Variants in ANGPT4 observed in about 807,000 individuals in gnomAD.
ANGPT4 encodes angiopoietin 4.
Under a neutral mutation model 53.0 loss-of-function variants are expected in ANGPT4, and 50 were observed. The observed-to-expected ratio is 0.94, with a 90% CI of 0.75 to 1.20. The LOEUF (loss-of-function observed/expected upper bound fraction) is 1.20. ANGPT4 is among the 50% of genes most tolerant of loss of function. The pLI, the probability that ANGPT4 is intolerant of heterozygous loss-of-function variation, is 0.00. For synonymous variants in ANGPT4, 251 were observed against 259.7 expected, an observed-to-expected ratio of 0.97 and a Z score of 0.32; for missense variants, 648 against 637.1, an observed-to-expected ratio of 1.02 and a Z score of -0.18.
chr20:889,654 T>G (rs1432723960), intron 2 of ANGPT4, among the ~76,000 whole-genome samples: 1 of 152,184 alleles, frequency 6.6e-6, no homozygotes, highest in Non-Finnish European at 1.5e-5. Flanking sequence ...AGTAGGAATG[T>G]ATGCCTGCTT....
intron 3 of ANGPT4, among the ~76,000 whole-genome samples, chr20:887,885 A>AGGAGGAAGGAAGGAAGGAAG: frequency 7.0e-6 from 1 of 142,608 alleles, no homozygotes; most frequent in Middle Eastern, 3.5e-3. Context: ...AAATAAAAGA[A>AGGAGGAAGGAAGGAAGGAAG]GGAGGAAGGA....
At chr20:876,072 G>GGAGGTCAGGGCTGCAGTGAGCT in intron 7 of ANGPT4, among the ~76,000 whole-genome samples, 1 of 151,490 alleles carries the variant, frequency 6.6e-6, no homozygotes, top group Non-Finnish European at 1.5e-5. Flanking sequence ...GGGAGGTCTG[G>GGAGGTCAGGGCTGCAGTGAGCT]GAGGTCAGGG....
At chr20:896,009 G>A (rs1488294761) in intron 1 of ANGPT4, among the ~76,000 whole-genome samples, 1 of 152,126 alleles carries the variant, frequency 6.6e-6, no homozygotes, top group South Asian at 2.1e-4. Flanking sequence ...CAAAACTCAT[G>A]GAACTATATG....
At chr20:899,789 C>G (rs1982217082) in intron 1 of ANGPT4, among the ~76,000 whole-genome samples, 1 of 152,186 alleles carries the variant, frequency 6.6e-6, no homozygotes, top group South Asian at 2.1e-4. Flanking sequence ...GCTTTCTTTA[C>G]TATTCCTTTG....
chr20:872,906 G>A lies in ANGPT4; in HGVS notation c.*54C>T. The A allele has an allele frequency of 6.2e-7, 1 of 1,604,254 alleles. No homozygotes were observed. Among genetic ancestry groups the A allele is most frequent in the South Asian group, 1.1e-5 (1 of 90,430 alleles). On this transcript the variant is annotated 3_prime_UTR_variant, in exon 9 of 9. Transcript: ENST00000381922. ...TTGCATCTGGGTCCAGGTTGTCCAG[G>A]AGTGCCAAGTCCGAGCTTCTCCTGT...
chr20:909,300 G>A (rs1048480403), intron 1 of ANGPT4, among the ~76,000 whole-genome samples: 2 of 152,152 alleles, frequency 1.3e-5, no homozygotes, highest in Non-Finnish European at 2.9e-5. Context: ...GGAAACAATA[G>A]TAGCATCTCC....
rs1980877215 is a variant in ANGPT4, at chr20:869,929, A to C, written c.*3031T>G. Reference sequence around the variant, plus strand: ...TGCAGAAAATCATTCCTTTACTGGAATCATGGAGACGAGGGAGCTCCCCGG... The same window carrying C: ...TGCAGAAAATCATTCCTTTACTGGACTCATGGAGACGAGGGAGCTCCCCGG... On this transcript the variant is annotated 3_prime_UTR_variant, in exon 9 of 9. Coordinates refer to ENST00000381922, the MANE Select transcript of ANGPT4 (RefSeq NM_015985.4). 1 of 152,310 alleles carries C rather than the reference A, an allele frequency of 6.6e-6. No homozygotes were observed. The highest frequency in any genetic ancestry group is 2.4e-5 in the African/African-American group (1 of 41,460). The allele number at this position is 152,310 out of a possible 1,614,324, so 9.4% of individuals were successfully genotyped here. A position where few individuals can be genotyped will look rare whatever the true frequency, so the allele number is the denominator to read the frequency against.
intron 1 of ANGPT4, among the ~76,000 whole-genome samples, chr20:915,039 G>T (rs765521257): frequency 9.2e-5 from 14 of 152,114 alleles, no homozygotes; most frequent in Non-Finnish European, 1.5e-4. Flanking sequence ...TCCTAGCCCC[G>T]TTCTGCTCCA....
intron 7 of ANGPT4, among the ~76,000 whole-genome samples, chr20:876,754 C>G (rs1418038450): frequency 2.0e-5 from 3 of 150,650 alleles, no homozygotes; most frequent in Non-Finnish European, 4.4e-5. Context: ...ACTCACTGGT[C>G]AGGTGTGAGG....
At chr20:884,247 T>C (rs556698164) in intron 4 of ANGPT4, among the ~76,000 whole-genome samples, 1 of 152,354 alleles carries the variant, frequency 6.6e-6, no homozygotes. Context: ...TCTATTTTTA[T>C]GGTCTGGAAA....
intron 1 of ANGPT4, 86 bp downstream of exon 1, chr20:915,820 G>T (rs1016379690): frequency 5.9e-5 from 85 of 1,451,530 alleles, no homozygotes; most frequent in Non-Finnish European, 2.9e-5. Flanking sequence ...GCTCAGGGAA[G>T]GCCTCTTGGA....
chr20:872,732 C>T lies in ANGPT4; in HGVS notation c.*228G>A, dbSNP rs531917258. The T allele has an allele frequency of 6.5e-5, 36 of 556,004 alleles. No homozygotes were observed. The highest frequency in any genetic ancestry group is 2.8e-4 in the South Asian group (13 of 46,816). 34.4% of individuals were successfully genotyped at this position (556,004 alleles called of 1,614,324 possible). A position where few individuals can be genotyped will look rare whatever the true frequency, so the allele number is the denominator to read the frequency against. On this transcript the variant is annotated 3_prime_UTR_variant, in exon 9 of 9. Transcript: ENST00000381922. ...TGAAGGGGGAGGGAGAGAAGAGGGG[C>T]GAGGACTACATCAGAGGGATGGGCC...
Position 915,949 on chromosome 20 carries a change from T to C in ANGPT4, c.266A>G (p.Gln89Arg). ...GTTGTTCTGCAGTGCCTGCTCCAGCTGTTTCACCTGCTGGGTGGGCAACTT... is the reference window on the plus strand; with the variant it reads ...GTTGTTCTGCAGTGCCTGCTCCAGCCGTTTCACCTGCTGGGTGGGCAACTT... Reference protein sequence around the residue: ...LGKLPTQQVKQLEQALQNNTQ... With the variant: ...LGKLPTQQVKRLEQALQNNTQ... The change falls in exon 1 of 9, where the codon CAG becomes CGG. Residue 89 changes from glutamine (Q) to arginine (R), a missense_variant. Transcript: ENST00000381922. 1 of 1,606,268 alleles carries C rather than the reference T, an allele frequency of 6.2e-7. No individual in the cohort carries two copies. Among genetic ancestry groups the C allele is most frequent in the East Asian group, 2.2e-5 (1 of 44,708 alleles).
At chr20:913,751 C>T (rs1336091078) in intron 1 of ANGPT4, among the ~76,000 whole-genome samples, 1 of 152,212 alleles carries the variant, frequency 6.6e-6, no homozygotes, top group East Asian at 1.9e-4. Context: ...AGGCCTAAGC[C>T]AGAAAGATGG....
At chr20:895,707 T>C (rs1982019858) in intron 1 of ANGPT4, among the ~76,000 whole-genome samples, 1 of 152,126 alleles carries the variant, frequency 6.6e-6, no homozygotes, top group South Asian at 2.1e-4. Flanking sequence ...CTGCAGTCCA[T>C]CCATGCAGTG....
intron 1 of ANGPT4, among the ~76,000 whole-genome samples, chr20:904,097 T>G (rs1026966041): frequency 3.3e-5 from 5 of 152,216 alleles, no homozygotes; most frequent in Non-Finnish European, 5.9e-5. Context: ...TCTTTGTAAT[T>G]TTATTTTTCG....
At chr20:909,237 G>A (rs1982606275) in intron 1 of ANGPT4, among the ~76,000 whole-genome samples, 1 of 152,174 alleles carries the variant, frequency 6.6e-6, no homozygotes, top group South Asian at 2.1e-4. Flanking sequence ...CTGGCCCAGA[G>A]AAAGTCCCAT....
chr20:874,146 G>T, intron 8 of ANGPT4, 138 bp downstream of exon 8: 1 of 1,313,310 alleles, frequency 7.6e-7, no homozygotes, highest in Non-Finnish European at 1.1e-6. Context: ...AGCCAGGTGA[G>T]CTTATGGGTG....
At chr20:888,505 C>T in intron 2 of ANGPT4, 66 bp from the exon 3 acceptor site, 1 of 1,546,672 alleles carries the variant, frequency 6.5e-7, no homozygotes, top group African/African-American at 1.4e-5. Context: ...CCCAACCACC[C>T]ACCTGCCCAC....
Sources: allele counts gnomAD v4.1 joint callset (sites outside exome capture counted in the v4.1 genomes callset), GRCh38; gene constraint gnomAD v4.1.1; transcripts MANE v1.5; gene names NCBI Gene and HGNC (gene_info 2026-07-23, HGNC 2026-07-21).